Variants in RASSF3 observed in about 807,000 individuals in gnomAD.
The protein encoded by RASSF3 is ras association domain-containing protein 3.
A neutral mutation model predicts 19.9 loss-of-function variants in RASSF3; 19 were observed. The observed-to-expected ratio is 0.96, with a 90% CI of 0.67 to 1.40. The LOEUF is 1.40. RASSF3 is among the 40% of genes most tolerant of loss of function. The pLI, the probability that RASSF3 is intolerant of heterozygous loss-of-function variation, is 0.00. For missense variants in RASSF3, 306 were observed against 289.8 expected (o/e 1.06, Z -0.41); for synonymous variants, 110 against 104.2 (o/e 1.06, Z -0.34).
intron 1 of RASSF3, among the ~76,000 whole-genome samples, chr12:64,664,532 G>C (rs2136201115): frequency 6.6e-6 from 1 of 152,286 alleles, no homozygotes. Flanking sequence ...AAGTCAACCA[G>C]TTCTCCTTAA....
intron 2 of RASSF3, among the ~76,000 whole-genome samples, chr12:64,598,845 C>T (rs868453374): frequency 4.0e-5 from 6 of 150,756 alleles, no homozygotes; most frequent in African/African-American, 1.5e-4. Context: ...ACCATTAACT[C>T]GTCATTTACA....
At chr12:64,554,901 C>A (rs1391854274) in intron 2 of RASSF3, among the ~76,000 whole-genome samples, 1 of 152,028 alleles carries the variant, frequency 6.6e-6, no homozygotes, top group Non-Finnish European at 1.5e-5. Context: ...ATGAATAATG[C>A]ATTTTGAAAA....
At chr12:64,688,149 T>C (rs939417806) in intron 2 of RASSF3, 67 bp from the exon 3 acceptor site, 2 of 1,102,928 alleles carry the variant, frequency 1.8e-6, no homozygotes, top group Non-Finnish European at 2.8e-6. Context: ...CGTTTTGTTT[T>C]GATATGCTTC....
chr12:64,536,942 T>G (rs896026484), intron 1 of RASSF3, among the ~76,000 whole-genome samples: 14 of 152,346 alleles, frequency 9.2e-5, no homozygotes, highest in African/African-American at 3.4e-4. Context: ...ACCCACTCCC[T>G]TACCTCTCAT....
intron 2 of RASSF3, among the ~76,000 whole-genome samples, chr12:64,603,853 T>TC (rs1171435066): frequency 7.2e-5 from 11 of 152,188 alleles, no homozygotes; most frequent in Admixed American, 7.2e-4. Context: ...CTTTTTTTTT[T>TC]CTTTTTCTTT....
intron 2 of RASSF3, among the ~76,000 whole-genome samples, chr12:64,573,521 G>C (rs964239286): frequency 1.3e-5 from 2 of 152,108 alleles, no homozygotes; most frequent in Non-Finnish European, 2.9e-5. Context: ...GCTTTTACTA[G>C]GTGCCACAAT....
chr12:64,580,612 A>G (rs1439514391), intron 2 of RASSF3, among the ~76,000 whole-genome samples: 1 of 151,274 alleles, frequency 6.6e-6, no homozygotes, highest in Non-Finnish European at 1.5e-5. Flanking sequence ...ACACACACAC[A>G]CATCCACACA....
intron 1 of RASSF3, among the ~76,000 whole-genome samples, chr12:64,651,480 C>G (rs1001162939): frequency 6.6e-6 from 1 of 152,120 alleles, no homozygotes; most frequent in African/African-American, 2.4e-5. Flanking sequence ...TTGCCTCAGC[C>G]TCCCATGTAG....
chr12:64,678,942 G>T (rs1873015600), intron 1 of RASSF3, among the ~76,000 whole-genome samples: 1 of 152,232 alleles, frequency 6.6e-6, no homozygotes, highest in Non-Finnish European at 1.5e-5. Flanking sequence ...CAGCTAGAAT[G>T]TGGCAGAGCT....
intron 2 of RASSF3, among the ~76,000 whole-genome samples, chr12:64,586,046 C>T (rs1275509294): frequency 6.6e-6 from 1 of 152,148 alleles, no homozygotes; most frequent in African/African-American, 2.4e-5. Context: ...CGAGGTGGGC[C>T]AGGCACGGTG....
chr12:64,549,304 G>C (rs1363535694), intron 2 of RASSF3, among the ~76,000 whole-genome samples: 1 of 152,108 alleles, frequency 6.6e-6, no homozygotes, highest in African/African-American at 2.4e-5. Flanking sequence ...TTTGAGAACT[G>C]CCTGGACAAC....
At chr12:64,588,410 C>A (rs530682543) in intron 2 of RASSF3, among the ~76,000 whole-genome samples, 3 of 151,822 alleles carry the variant, frequency 2.0e-5, no homozygotes, top group Non-Finnish European at 4.4e-5. Flanking sequence ...TTCTGCTGGG[C>A]GTGGTGGCTC....
At chr12:64,567,916 C>T (rs1869456620) in intron 2 of RASSF3, among the ~76,000 whole-genome samples, 1 of 152,216 alleles carries the variant, frequency 6.6e-6, no homozygotes, top group South Asian at 2.1e-4. Context: ...TGCTCTAACT[C>T]GAGTTGGAGG....
At chr12:64,680,284 GTTCCAAGGCC>G (rs1873073405) in intron 1 of RASSF3, among the ~76,000 whole-genome samples, 1 of 152,082 alleles carries the variant, frequency 6.6e-6, no homozygotes, top group Non-Finnish European at 1.5e-5. Flanking sequence ...ACTGTCCTCT[GTTCCAAGGCC>G]TGAGCTTATA....
At chr12:64,625,728 C>T (rs1870963685) in intron 1 of RASSF3, among the ~76,000 whole-genome samples, 1 of 148,270 alleles carries the variant, frequency 6.7e-6, no homozygotes, top group South Asian at 2.2e-4. Flanking sequence ...AGTTCCCTGG[C>T]CGTGGCTGGG....
chr12:64,634,387 G>A (rs764556593), intron 1 of RASSF3, among the ~76,000 whole-genome samples: 4 of 150,188 alleles, frequency 2.7e-5, no homozygotes, highest in Non-Finnish European at 5.9e-5. Context: ...ATCCAGGCTG[G>A]TCTTGAACTC....
upstream of RASSF3, among the ~76,000 whole-genome samples, chr12:64,607,313 A>G (rs1870210953): frequency 6.6e-6 from 1 of 151,790 alleles, no homozygotes; most frequent in African/African-American, 2.4e-5. Context: ...ATATGCAAAT[A>G]TCATTATGCT....
intron 2 of RASSF3, among the ~76,000 whole-genome samples, chr12:64,604,904 C>T (rs979791117): frequency 1.3e-5 from 2 of 151,610 alleles, no homozygotes; most frequent in African/African-American, 4.8e-5. Flanking sequence ...GGATTACAGG[C>T]GTGAGCCACC....
At position 64,697,509 on chromosome 12, in the gene RASSF3, T is replaced by C. The variant is rs925981306; in HGVS notation, c.*2597T>C. Reference sequence around the variant, plus strand: ...TTTTGTAGGGAAGATTTTTCTCCCCTAAAATAGTTTCTAGAATGGCAAAAT... The same window carrying C: ...TTTTGTAGGGAAGATTTTTCTCCCCCAAAATAGTTTCTAGAATGGCAAAAT... On this transcript the variant is annotated 3_prime_UTR_variant, in exon 5 of 5. Transcript: ENST00000542104. The C allele has an allele frequency of 1.4e-4, 21 of 152,302 alleles. No individual in the cohort carries two copies. Among genetic ancestry groups the C allele is most frequent in the African/African-American group, 4.8e-4 (20 of 41,572 alleles). The allele number at this position is 152,302 out of a possible 1,614,324, so 9.4% of individuals were successfully genotyped here.
Sources: allele counts gnomAD v4.1 joint callset (sites outside exome capture counted in the v4.1 genomes callset), GRCh38; gene constraint gnomAD v4.1.1; transcripts MANE v1.5; gene names NCBI Gene and HGNC (gene_info 2026-07-23, HGNC 2026-07-21).